Variants in MMP16 observed in about 807,000 individuals in gnomAD.
MMP16 encodes matrix metallopeptidase 16.
A neutral mutation model predicts 67.8 loss-of-function variants in MMP16; 12 were observed. The ratio of observed to expected loss-of-function variants is 0.18; its 90% CI spans 0.11 to 0.29. The LOEUF (loss-of-function observed/expected upper bound fraction) is 0.29, where lower values mean the gene tolerates loss of function less well. MMP16 is among the 10% of genes least tolerant of loss of function. The pLI, the probability that MMP16 is intolerant of heterozygous loss-of-function variation, is 1.00. For synonymous variants in MMP16, 249 were observed against 255.9 expected (o/e 0.97, Z 0.26); for missense variants, 475 against 765.7 (o/e 0.62, Z 4.48).
chr8:88,198,899 A>G (rs1809298239), intron 1 of MMP16, among the ~76,000 whole-genome samples: 1 of 152,068 alleles, frequency 6.6e-6, no homozygotes, highest in Admixed American at 6.6e-5. Context: ...TCAGTTTCCT[A>G]GTTAACAGTG....
intron 1 of MMP16, among the ~76,000 whole-genome samples, chr8:88,248,830 GCA>G (rs1331381861): frequency 1.3e-5 from 2 of 151,264 alleles, no homozygotes. Context: ...CAATTATACT[GCA>G]GATATTTACT....
At chr8:88,261,939 C>A (rs928361395) in intron 1 of MMP16, among the ~76,000 whole-genome samples, 2 of 152,022 alleles carry the variant, frequency 1.3e-5, no homozygotes, top group African/African-American at 4.8e-5. Flanking sequence ...TAACTAAAGA[C>A]TCAGAAAGTA....
intron 4 of MMP16, among the ~76,000 whole-genome samples, chr8:88,157,180 T>C (rs1356868882): frequency 6.6e-6 from 1 of 152,038 alleles, no homozygotes; most frequent in Non-Finnish European, 1.5e-5. Flanking sequence ...ATTGAAATAT[T>C]TGAACAAAAA....
intron 4 of MMP16, among the ~76,000 whole-genome samples, chr8:88,150,724 G>C (rs1586176686): frequency 6.8e-6 from 1 of 146,440 alleles, no homozygotes; most frequent in African/African-American, 2.6e-5. Flanking sequence ...GCTAAACATG[G>C]AAAGGAACAA....
chr8:88,265,724 A>C (rs1200255927), intron 1 of MMP16, among the ~76,000 whole-genome samples: 2 of 152,206 alleles, frequency 1.3e-5, no homozygotes, highest in South Asian at 2.1e-4. Flanking sequence ...TAGCTAGTCC[A>C]TGACTATAGG....
chr8:88,100,280 G>GA (rs1235767612), intron 6 of MMP16, among the ~76,000 whole-genome samples: 1 of 151,620 alleles, frequency 6.6e-6, no homozygotes, highest in Non-Finnish European at 1.5e-5. Flanking sequence ...AAATTTACAA[G>GA]AAAAAAACAA....
intron 1 of MMP16, among the ~76,000 whole-genome samples, chr8:88,238,482 ACTCT>A (rs571185803): frequency 3.3e-5 from 5 of 151,518 alleles, no homozygotes; most frequent in Non-Finnish European, 7.4e-5. Context: ...ACATGGTGAA[ACTCT>A]CTCTCTACTA....
chr8:88,203,320 T>C (rs1255025960), intron 1 of MMP16, among the ~76,000 whole-genome samples: 1 of 151,940 alleles, frequency 6.6e-6, no homozygotes, highest in Non-Finnish European at 1.5e-5. Flanking sequence ...GCCAGGATGG[T>C]CTCGATCTCT....
chr8:88,183,446 T>C (rs530195295), intron 3 of MMP16, among the ~76,000 whole-genome samples: 1 of 152,310 alleles, frequency 6.6e-6, no homozygotes, highest in Non-Finnish European at 1.5e-5. Context: ...TAAACAATCA[T>C]CAGAATTTCT....
intron 1 of MMP16, among the ~76,000 whole-genome samples, chr8:88,299,175 C>T (rs1157939039): frequency 6.6e-6 from 1 of 152,050 alleles, no homozygotes; most frequent in Non-Finnish European, 1.5e-5. Context: ...TGCATCTGTT[C>T]CCAATTTGAA....
intron 1 of MMP16, among the ~76,000 whole-genome samples, chr8:88,297,094 T>C (rs577800673): frequency 1.3e-5 from 2 of 152,214 alleles, no homozygotes; most frequent in Non-Finnish European, 2.9e-5. Flanking sequence ...ATATTTTATA[T>C]CAGATTGGCT....
chr8:88,087,757 A>C (rs1808858535), intron 6 of MMP16, among the ~76,000 whole-genome samples: 1 of 151,634 alleles, frequency 6.6e-6, no homozygotes, highest in South Asian at 2.1e-4. Flanking sequence ...CAGCTGGGAC[A>C]ACATAGTGAG....
At chr8:88,089,905 C>A (rs985362282) in intron 6 of MMP16, among the ~76,000 whole-genome samples, 1 of 151,898 alleles carries the variant, frequency 6.6e-6, no homozygotes, top group African/African-American at 2.4e-5. Flanking sequence ...AAGGTTAGAT[C>A]ATGAAACACA....
At chr8:88,200,202 A>T (rs1401506036) in intron 1 of MMP16, among the ~76,000 whole-genome samples, 2 of 151,980 alleles carry the variant, frequency 1.3e-5, no homozygotes, top group Non-Finnish European at 2.9e-5. Flanking sequence ...AAGGAATCAG[A>T]GTGCTTGAAA....
intron 6 of MMP16, among the ~76,000 whole-genome samples, chr8:88,075,057 T>G (rs1389234840): frequency 2.0e-5 from 3 of 152,126 alleles, no homozygotes; most frequent in Non-Finnish European, 4.4e-5. Context: ...TGTGGATATG[T>G]CAGCTTCTTG....
chr8:88,265,223 C>CTTTTTTTTTTTTTTTTTTTTTTTTTTTTT (rs398008661), intron 1 of MMP16, among the ~76,000 whole-genome samples: 1 of 100,780 alleles, frequency 9.9e-6, no homozygotes, highest in Non-Finnish European at 1.8e-5. Flanking sequence ...TGACCATTTC[C>CTTTTTTTTTTTTTTTTTTTTTTTTTTTTT]TTTTTTTTTT....
chr8:88,201,972 A>T (rs2129793535), intron 1 of MMP16, among the ~76,000 whole-genome samples: 1 of 152,304 alleles, frequency 6.6e-6, no homozygotes, highest in African/African-American at 2.4e-5. Flanking sequence ...CCAAAAAATT[A>T]AACTCACGTT....
At chr8:88,174,942 TG>T (rs1489509118) in intron 3 of MMP16, among the ~76,000 whole-genome samples, 6 of 151,936 alleles carry the variant, frequency 3.9e-5, no homozygotes, top group Admixed American at 1.3e-4. Context: ...TTAGTAGAGA[TG>T]GGGTTTCACC....
At chr8:88,164,292 C>G (rs1202881409) in intron 4 of MMP16, among the ~76,000 whole-genome samples, 7 of 151,818 alleles carry the variant, frequency 4.6e-5, no homozygotes, top group Non-Finnish European at 1.0e-4. Flanking sequence ...AGGGGGCATT[C>G]CAGGACTAGA....
Sources: allele counts gnomAD v4.1 joint callset (sites outside exome capture counted in the v4.1 genomes callset), GRCh38; gene constraint gnomAD v4.1.1; transcripts MANE v1.5; gene names NCBI Gene and HGNC (gene_info 2026-07-23, HGNC 2026-07-21).